Variants in ABL1 observed in about 807,000 individuals in gnomAD.
ABL1 encodes the protein ABL proto-oncogene 1, non-receptor tyrosine kinase.
A neutral mutation model predicts 94.7 loss-of-function variants in ABL1; 11 were observed. The ratio of observed to expected loss-of-function variants is 0.12; its 90% CI spans 0.07 to 0.19. The LOEUF is 0.19. Ranked by LOEUF, ABL1 falls within the 10% of genes least tolerant of loss-of-function variation. The pLI is 1.00. For missense variants in ABL1, 1,082 were observed against 1,489.4 expected, an observed-to-expected ratio of 0.73 and a Z score of 4.50; for synonymous variants, 656 against 622.4, an observed-to-expected ratio of 1.05 and a Z score of -0.80.
chr9:130,842,290 T>G (rs1830687437), intron 1 of ABL1, among the ~76,000 whole-genome samples: 1 of 152,170 alleles, frequency 6.6e-6, no homozygotes, highest in South Asian at 2.1e-4. Flanking sequence ...GTAATAAGGT[T>G]ATAGGGATTC....
chr9:130,763,323 G>GT (rs59238943), intron 1 of ABL1, among the ~76,000 whole-genome samples: 37,553 of 144,834 alleles, frequency 0.26, 6,390 homozygotes, highest in East Asian at 0.49. Context: ...CATTTTTGTG[G>GT]TTTTTTTTCA....
intron 1 of ABL1, among the ~76,000 whole-genome samples, chr9:130,733,355 A>G (rs1287621498): frequency 1.3e-5 from 2 of 152,174 alleles, no homozygotes; most frequent in East Asian, 1.9e-4. Flanking sequence ...TCAGTATCAT[A>G]TAGTAATTTA....
In ABL1 at chr9:130,885,231, G is replaced by C. The variant is rs769473644; in HGVS notation, c.2941G>C (p.Val981Leu). 4.3e-6 allele frequency: 7 copies of C among 1,613,784 alleles called. No individual in the cohort carries two copies. In the Admixed American group the frequency reaches 8.3e-5, roughly 19 times the overall value. The change falls in exon 11 of 11, where the codon GTT becomes CTT. Residue 981 changes from valine (V) to leucine (L), a missense_variant. Physicochemically the swap from Val to Leu is conservative, Grantham distance 32. This residue lies in a region of ABL1 where 780 missense variants were observed against 835.8 expected (regional missense o/e 0.93). Coordinates refer to ENST00000318560, the MANE Select transcript of ABL1 (RefSeq NM_005157.6). ...PSGTPISPAPVPSTLPSASSA... is the reference protein window; with the variant it reads ...PSGTPISPAPLPSTLPSASSA... ...GGGGACCCCCATCAGCCCAGCCCCCGTTCCCTCCACGTTGCCATCAGCATC... is the reference window on the plus strand; with the variant it reads ...GGGGACCCCCATCAGCCCAGCCCCCCTTCCCTCCACGTTGCCATCAGCATC...
At chr9:130,876,797 C>T (rs1184687876) in intron 7 of ABL1, among the ~76,000 whole-genome samples, 1 of 129,762 alleles carries the variant, frequency 7.7e-6, no homozygotes, top group African/African-American at 3.2e-5. Context: ...AGTGCAGTGG[C>T]ATGATCTCAG....
rs60206110 is a variant in ABL1, at chr9:130,751,129, C to CTTTTTT, written c.136+36699_136+36704dup. 8.1e-3 allele frequency among the ~76,000 whole-genome samples: 468 copies of CTTTTTT among 57,490 alleles called. 126 individuals carry two copies. The highest frequency in any genetic ancestry group is 0.039 in the East Asian group (57 of 1,454). The allele number at this position is 57,490 out of a possible 152,430, so 37.7% of individuals were successfully genotyped here. A position where few individuals can be genotyped will look rare whatever the true frequency, so the allele number is the denominator to read the frequency against. On this transcript the variant is annotated intron_variant, in intron 1 of 10. Coordinates refer to the ABL1 transcript ENST00000372348. ...TTTGAAACTTGTTTTTTTTATTCAG[C>CTTTTTT]TTTTTTTTTTTTTTTTTTTTTTTTT...
At chr9:130,857,137 T>C (rs1437550578) in intron 3 of ABL1, among the ~76,000 whole-genome samples, 1 of 152,258 alleles carries the variant, frequency 6.6e-6, no homozygotes, top group Non-Finnish European at 1.5e-5. Context: ...ATTTATTTCA[T>C]AGACTGACTA....
chr9:130,794,183 G>A (rs997023334), intron 1 of ABL1, among the ~76,000 whole-genome samples: 1 of 152,178 alleles, frequency 6.6e-6, no homozygotes, highest in African/African-American at 2.4e-5. Flanking sequence ...CACAAAAGCA[G>A]TTCCTGGTGC....
intron 1 of ABL1, among the ~76,000 whole-genome samples, chr9:130,735,965 T>A (rs868272614): frequency 0.024 from 2,482 of 103,558 alleles, 24 homozygotes; most frequent in Middle Eastern, 0.033. Context: ...ATATATATTT[T>A]TTTTTTTTAA....
intron 3 of ABL1, among the ~76,000 whole-genome samples, chr9:130,861,920 G>A (rs1831078959): frequency 1.3e-5 from 2 of 152,198 alleles, no homozygotes; most frequent in African/African-American, 4.8e-5. Context: ...CTGCCAGCCT[G>A]CTCCTTCTCC....
At chr9:130,792,298 T>C (rs183636930) in intron 1 of ABL1, among the ~76,000 whole-genome samples, 36 of 152,320 alleles carry the variant, frequency 2.4e-4, no homozygotes, top group East Asian at 5.8e-4. Flanking sequence ...CTGAGTTGTT[T>C]GCTCAACTAG....
intron 1 of ABL1, among the ~76,000 whole-genome samples, chr9:130,759,365 C>T (rs1478410762): frequency 6.6e-6 from 1 of 152,158 alleles, no homozygotes; most frequent in African/African-American, 2.4e-5. Context: ...CTTGAACCAC[C>T]ACTGCACTGT....
intron 2 of ABL1, 64 bp from the exon 3 acceptor site, chr9:130,854,737 C>T (rs1474436736): frequency 2.0e-6 from 3 of 1,507,838 alleles, no homozygotes; most frequent in Non-Finnish European, 2.7e-6. Flanking sequence ...ACACAAGAAT[C>T]AATGAAAAAG....
intron 1 of ABL1, among the ~76,000 whole-genome samples, chr9:130,795,437 C>G (rs774041026): frequency 2.1e-4 from 32 of 152,144 alleles, no homozygotes; most frequent in African/African-American, 6.3e-4. Context: ...TGTGCTCGCA[C>G]GACAGATTAG....
chr9:130,787,497 G>A (rs908527167), intron 1 of ABL1, among the ~76,000 whole-genome samples: 4 of 152,156 alleles, frequency 2.6e-5, no homozygotes, highest in Non-Finnish European at 5.9e-5. Flanking sequence ...ACCCCCAGGA[G>A]CAGCAGATCT....
In ABL1 at chr9:130,835,430, C is replaced by T. The variant is rs762809497; in HGVS notation, c.-17C>T. 2 of 1,373,138 alleles carry T rather than the reference C, an allele frequency of 1.5e-6. No individual in the cohort carries two copies. Among genetic ancestry groups the T allele is most frequent in the Non-Finnish European group, 1.9e-6 (2 of 1,061,072 alleles). 85.1% of individuals were successfully genotyped at this position (1,373,138 alleles called of 1,614,324 possible). On this transcript the variant is annotated 5_prime_UTR_variant, in exon 1 of 11. In the 5' UTR this introduces an upstream ATG that the reference lacks. Coordinates refer to ENST00000318560, the MANE Select transcript of ABL1 (RefSeq NM_005157.6). The surrounding 1 kb of genome is among the most constrained non-coding windows in gnomAD (Gnocchi z 4.6). ...CTGGGAGAGGGGTTCCGGCCCCCGA[C>T]GTGCTGGCGCGGGAAAATGTTGGAG... is the stretch of plus-strand genomic sequence containing the variant.
chr9:130,730,242 G>C (rs560727514), intron 1 of ABL1, among the ~76,000 whole-genome samples: 2 of 149,540 alleles, frequency 1.3e-5, no homozygotes, highest in South Asian at 4.3e-4. Flanking sequence ...GGGTTTCTCT[G>C]TGTTGATCAG....
intron 1 of ABL1, among the ~76,000 whole-genome samples, chr9:130,731,092 C>T (rs1328655856): frequency 2.9e-5 from 4 of 140,262 alleles, no homozygotes; most frequent in African/African-American, 1.1e-4. Context: ...CTGCAACCTC[C>T]GCCTCCCAGG....
intron 1 of ABL1, among the ~76,000 whole-genome samples, chr9:130,743,509 CT>C (rs1831846241): frequency 6.6e-6 from 1 of 152,166 alleles, no homozygotes; most frequent in South Asian, 2.1e-4. Flanking sequence ...TTGAGAGTGG[CT>C]ATAGATTCTA....
At chr9:130,744,519 T>C (rs1831859946) in intron 1 of ABL1, among the ~76,000 whole-genome samples, 2 of 151,738 alleles carry the variant, frequency 1.3e-5, no homozygotes, top group Non-Finnish European at 2.9e-5. Context: ...AATAGTTTGC[T>C]TTTATAAGCC....
Sources: gnomAD v4.1 joint callset for allele counts (sites outside exome capture counted in the v4.1 genomes callset) on GRCh38, gnomAD v4.1.1 for gene constraint, gnomAD v4.1.1 regional missense constraint, Gnocchi (gnomAD v3.1) non-coding constraint, MANE v1.5 for transcripts, NCBI Gene and HGNC (gene_info 2026-07-23, HGNC 2026-07-21) for gene names.